VPS13B: variants seen among roughly 807,000 people sequenced by gnomAD.
VPS13B encodes intermembrane lipid transfer protein VPS13B.
VPS13B carries 285 observed loss-of-function variants against 426.4 expected under a neutral mutation model. The ratio of observed to expected loss-of-function variants is 0.67; its 90% CI spans 0.61 to 0.74. The LOEUF (loss-of-function observed/expected upper bound fraction) is 0.74, where lower values mean the gene tolerates loss of function less well. VPS13B is among the 30% of genes least tolerant of loss of function. VPS13B has a pLI of 0.00. For missense variants in VPS13B, 4,537 were observed against 4,782.6 expected, an observed-to-expected ratio of 0.95 and a Z score of 1.51; for synonymous variants, 1,676 against 1,676.4, an observed-to-expected ratio of 1.00 and a Z score of 0.01.
intron 33 of VPS13B, among the ~76,000 whole-genome samples, chr8:99,610,986 T>G (rs1249106001): frequency 6.6e-6 from 1 of 152,180 alleles, no homozygotes; most frequent in African/African-American, 2.4e-5. Flanking sequence ...TCTTTTAGTC[T>G]TCAAAAATGG....
chr8:99,507,928 A>G, intron 28 of VPS13B: 8 of 1,613,978 alleles, frequency 5.0e-6, no homozygotes, highest in Non-Finnish European at 6.8e-6. Context: ...AATTACTTTA[A>G]ATTATGCTAC....
intron 19 of VPS13B, among the ~76,000 whole-genome samples, chr8:99,311,264 A>G (rs571641795): frequency 1.1e-3 from 160 of 152,020 alleles, no homozygotes; most frequent in Admixed American, 3.0e-3. Flanking sequence ...GTGATGTTAC[A>G]GTGTTGATTT....
intron 36 of VPS13B, among the ~76,000 whole-genome samples, chr8:99,707,101 G>A (rs1379230198): frequency 6.6e-6 from 1 of 152,040 alleles, no homozygotes; most frequent in African/African-American, 2.4e-5. Context: ...CTGAGGACAG[G>A]AAAAAGCATG....
intron 6 of VPS13B, among the ~76,000 whole-genome samples, chr8:99,115,219 C>T (rs1184430154): frequency 6.6e-6 from 1 of 151,954 alleles, no homozygotes; most frequent in Non-Finnish European, 1.5e-5. Context: ...CCCCAGTTAA[C>T]ATATGGTTTT....
chr8:99,875,711 G>C lies in VPS13B; in HGVS notation c.*45G>C, dbSNP rs1243605058. 3 of 1,613,216 alleles carry C rather than the reference G, an allele frequency of 1.9e-6. No individual in the cohort carries two copies. Among genetic ancestry groups the C allele is most frequent in the African/African-American group, 2.7e-5 (2 of 74,798 alleles). ...TTCCTGCTTGTGTGATTTAGTTTTT[G>C]GGTTTCTTTGAGACAGGGTCTCACT... On this transcript the variant is annotated 3_prime_UTR_variant, in exon 62 of 62. Coordinates refer to ENST00000357162, the MANE Select transcript of VPS13B (RefSeq NM_152564.5).
At chr8:99,844,258 G>T (rs1387834136) in intron 54 of VPS13B, among the ~76,000 whole-genome samples, 4 of 152,042 alleles carry the variant, frequency 2.6e-5, no homozygotes, top group African/African-American at 9.7e-5. Context: ...CAACATCAGG[G>T]TACTGGCAGA....
intron 19 of VPS13B, among the ~76,000 whole-genome samples, chr8:99,313,241 G>C (rs149314661): frequency 6.6e-6 from 1 of 152,150 alleles, no homozygotes; most frequent in Admixed American, 6.5e-5. Flanking sequence ...GGGGAGAAGC[G>C]CTCTGATTTT....
intron 33 of VPS13B, among the ~76,000 whole-genome samples, chr8:99,637,788 G>A (rs548681447): frequency 3.9e-5 from 6 of 152,212 alleles, no homozygotes; most frequent in Non-Finnish European, 8.8e-5. Flanking sequence ...TAAATCAGAA[G>A]TAAAAAATGC....
At chr8:99,547,168 A>C (rs946415308) in intron 30 of VPS13B, among the ~76,000 whole-genome samples, 5 of 152,052 alleles carry the variant, frequency 3.3e-5, no homozygotes, top group African/African-American at 4.8e-5. Context: ...TCCTCAGCCT[A>C]GTCCAGACCT....
At chr8:99,726,508 T>C (rs561663273) in intron 39 of VPS13B, among the ~76,000 whole-genome samples, 1 of 152,332 alleles carries the variant, frequency 6.6e-6, no homozygotes, top group South Asian at 2.1e-4. Context: ...TTTTTGGTAG[T>C]AAAATTGGTA....
At chr8:99,013,654 G>A in intron 1 of VPS13B, 106 bp from the exon 2 acceptor site, 2 of 1,032,576 alleles carry the variant, frequency 1.9e-6, no homozygotes, top group Non-Finnish European at 3.0e-6. Flanking sequence ...CTAAGAGGAG[G>A]CGAACGGCCG....
intron 31 of VPS13B, among the ~76,000 whole-genome samples, chr8:99,559,994 G>A (rs1024226697): frequency 1.3e-5 from 2 of 151,988 alleles, no homozygotes; most frequent in Admixed American, 6.6e-5. Flanking sequence ...AAATTACCTT[G>A]GGCAGTATGG....
chr8:99,812,648 A>G (rs1288842239), intron 44 of VPS13B, among the ~76,000 whole-genome samples: 1 of 152,234 alleles, frequency 6.6e-6, no homozygotes, highest in African/African-American at 2.4e-5. Context: ...TGTATGTTCT[A>G]CAACTACTAT....
chr8:99,279,734 C>T (rs1819070840), intron 19 of VPS13B, among the ~76,000 whole-genome samples: 2 of 152,022 alleles, frequency 1.3e-5, no homozygotes, highest in South Asian at 2.1e-4. Flanking sequence ...TGAATTCTAT[C>T]AGCTTAGAAT....
chr8:99,243,500 A>G (rs545910883), intron 17 of VPS13B, among the ~76,000 whole-genome samples: 1 of 152,234 alleles, frequency 6.6e-6, no homozygotes, highest in East Asian at 1.9e-4. Context: ...AAGCAGTAGT[A>G]GTAACAGTTT....
intron 31 of VPS13B, among the ~76,000 whole-genome samples, chr8:99,573,492 G>C (rs1373005862): frequency 1.3e-5 from 2 of 152,148 alleles, no homozygotes; most frequent in Non-Finnish European, 2.9e-5. Context: ...TGTAAGGAAG[G>C]GATTGAGTTT....
chr8:99,054,077 C>T (rs147091878), intron 3 of VPS13B, among the ~76,000 whole-genome samples: 15 of 152,252 alleles, frequency 9.9e-5, no homozygotes, highest in East Asian at 9.7e-4. Flanking sequence ...ATTCATTCAC[C>T]GATGGACACT....
At chr8:99,385,683 A>G (rs1217373088) in intron 20 of VPS13B, among the ~76,000 whole-genome samples, 1 of 152,184 alleles carries the variant, frequency 6.6e-6, no homozygotes, top group Non-Finnish European at 1.5e-5. Context: ...TTAGTAATTA[A>G]CTATGTAGAT....
chr8:99,861,754 C>A, intron 57 of VPS13B, 22 bp from the exon 58 acceptor site: 1 of 1,583,366 alleles, frequency 6.3e-7, no homozygotes, highest in South Asian at 1.2e-5. Flanking sequence ...AGGAGGCTAA[C>A]CCCATGCTCT....
Sources: allele counts gnomAD v4.1 joint callset (sites outside exome capture counted in the v4.1 genomes callset), GRCh38; gene constraint gnomAD v4.1.1; transcripts MANE v1.5; gene names NCBI Gene and HGNC (gene_info 2026-07-23, HGNC 2026-07-21).